Variants in CELF6 observed in about 807,000 individuals in gnomAD.
CELF6 encodes the protein Bruno -like 6, RNA binding protein.
Under a neutral mutation model 53.1 loss-of-function variants are expected in CELF6, and 32 were observed. The observed-to-expected ratio is 0.60, with a 90% CI of 0.46 to 0.81. The LOEUF (loss-of-function observed/expected upper bound fraction) is 0.81. Among genes scored for constraint, CELF6 ranks in the 30% least tolerant of loss-of-function variants. The pLI is 0.00. For synonymous variants in CELF6, 291 were observed against 288.8 expected, an observed-to-expected ratio of 1.01 and a Z score of -0.08; for missense variants, 539 against 669.5, an observed-to-expected ratio of 0.81 and a Z score of 2.15.
At chr15:72,290,302 A>AC in intron 3 of CELF6, 47 bp from the exon 4 acceptor site, 1 of 1,589,838 alleles carries the variant, frequency 6.3e-7, no homozygotes, top group Non-Finnish European at 8.5e-7. Context: ...GTCTTCCTAG[A>AC]CCCCCGAGAG....
chr15:72,316,883 C>A (rs1156425362), intron 1 of CELF6, among the ~76,000 whole-genome samples: 1 of 152,110 alleles, frequency 6.6e-6, no homozygotes, highest in East Asian at 1.9e-4. Context: ...GGGGATTAGA[C>A]AAATCATGAG....
In CELF6 at chr15:72,285,057, T is replaced by A. The variant is rs758655624; in HGVS notation, c.*1314A>T. On this transcript the variant is annotated 3_prime_UTR_variant, in exon 13 of 13. Transcript: ENST00000287202. ...AGGAAGCACCACCATTGATCAGCTT[T>A]ATATGGCACCCACTGTATACAACAG... The A allele has an allele frequency of 6.5e-6, 1 of 152,770 alleles. No homozygotes were observed. The highest frequency in any genetic ancestry group is 1.5e-5 in the Non-Finnish European group (1 of 68,148). 9.5% of individuals were successfully genotyped at this position (152,770 alleles called of 1,614,324 possible).
chr15:72,301,569 C>T (rs2088155618), intron 3 of CELF6, among the ~76,000 whole-genome samples: 1 of 152,106 alleles, frequency 6.6e-6, no homozygotes, highest in African/African-American at 2.4e-5. Context: ...AAGACACAGG[C>T]TTACTGGCGT....
At position 72,314,589 on chromosome 15, in the gene CELF6, G is replaced by GTTT. The variant is rs984879836; in HGVS notation, c.345+1253_345+1255dup. ...AGGTCTGTGAGACTCAAAACCCAGT[G>GTTT]TTTTTTTTTTTTTTTTTTTTTTTGA... On this transcript the variant is annotated intron_variant, in intron 2 of 12. Coordinates refer to ENST00000287202, the MANE Select transcript of CELF6 (RefSeq NM_052840.5). Among the ~76,000 whole-genome samples, 280 of 97,790 alleles carry GTTT rather than the reference G, an allele frequency of 2.9e-3. 1 individual carries two copies. Among genetic ancestry groups the GTTT allele is most frequent in the Middle Eastern group, 6.1e-3 (1 of 164 alleles). The allele number at this position is 97,790 out of a possible 152,430, so 64.2% of individuals were successfully genotyped here. A position where few individuals can be genotyped will look rare whatever the true frequency, so the allele number is the denominator to read the frequency against.
intron 3 of CELF6, among the ~76,000 whole-genome samples, chr15:72,293,032 AT>A (rs1350329102): frequency 2.0e-5 from 3 of 151,930 alleles, no homozygotes; most frequent in Admixed American, 6.6e-5. Context: ...AACTAAAAAA[AT>A]TTTTTTTTCC....
At chr15:72,303,096 C>G (rs12102206) in intron 3 of CELF6, among the ~76,000 whole-genome samples, 3,187 of 152,318 alleles carry the variant, frequency 0.021, 66 homozygotes, top group African/African-American at 0.049. Flanking sequence ...GTGGTTGAAC[C>G]TGTCTGCTTC....
chr15:72,315,060 T>A (rs1270832948), intron 2 of CELF6, among the ~76,000 whole-genome samples: 5 of 152,204 alleles, frequency 3.3e-5, no homozygotes, highest in Non-Finnish European at 1.5e-5. Flanking sequence ...CAAACGACTC[T>A]CTTAAATTTG....
Position 72,289,971 on chromosome 15 carries a change from T to G in CELF6, c.571A>C (p.Ile191Leu). ...FGSQGEAQAA[I>L]RGLHGSRTMA... ...GTCCGGCTGCCGTGCAGACCCCGGA[T>G]GGCCGCCTGAGCTTCCCCTTGACTC... Residue 191 changes from isoleucine to leucine, a missense_variant, in exon 5 of 13, where the codon ATC becomes CTC. By Grantham distance (5) the Ile-to-Leu change is conservative. This residue lies in a region of CELF6 where 358 missense variants were observed against 412.8 expected (regional missense o/e 0.87). Coordinates refer to ENST00000287202, the MANE Select transcript of CELF6 (RefSeq NM_052840.5). This position sits in a 1 kb window ranked among gnomAD's most constrained non-coding sequence, Gnocchi z 7.6. 1 of 1,584,966 alleles carries G rather than the reference T, an allele frequency of 6.3e-7. No individual in the cohort carries two copies. Among genetic ancestry groups the G allele is most frequent in the Non-Finnish European group, 8.6e-7 (1 of 1,166,156 alleles).
At chr15:72,296,122 A>C in intron 3 of CELF6, among the ~76,000 whole-genome samples, 1 of 152,244 alleles carries the variant, frequency 6.6e-6, no homozygotes, top group South Asian at 2.1e-4. Flanking sequence ...AAGGTCATTC[A>C]ATAAGGAAAG....
chr15:72,304,008 T>C (rs1188606924), intron 3 of CELF6, among the ~76,000 whole-genome samples: 1 of 152,146 alleles, frequency 6.6e-6, no homozygotes, highest in East Asian at 1.9e-4. Context: ...GTAGCTGGGA[T>C]TACAGGCATC....
At chr15:72,297,911 G>T (rs567466493) in intron 3 of CELF6, among the ~76,000 whole-genome samples, 2 of 152,306 alleles carry the variant, frequency 1.3e-5, no homozygotes, top group Admixed American at 6.5e-5. Context: ...CCTAAGGAAA[G>T]CACCTCTCAT....
rs1392872404 is a variant in CELF6 at position 72,285,949 on chromosome 15, CTT to C, written c.*420_*421del. 6.6e-6 allele frequency: 1 copy of C among 152,400 alleles called. No homozygotes were observed. The highest frequency in any genetic ancestry group is 1.9e-4 in the East Asian group (1 of 5,194). 9.4% of individuals were successfully genotyped at this position (152,400 alleles called of 1,614,324 possible). ...ACTGTCTTTTTTTGTAGTTGTTTGTCTTGTTTTTTGTTTGTTTGTTTCTTTGT... is the reference window on the plus strand; with the variant it reads ...ACTGTCTTTTTTTGTAGTTGTTTGTCGTTTTTTGTTTGTTTGTTTCTTTGT... On this transcript the variant is annotated 3_prime_UTR_variant, in exon 13 of 13. Coordinates refer to ENST00000287202, the MANE Select transcript of CELF6 (RefSeq NM_052840.5).
Position 72,320,110 on chromosome 15 carries a change from C to A in CELF6, c.-236G>T. ...CGAGGTGGCGGCTGAACGCTGGGGT[C>A]TGGCTTGAGGTCCCCGTGCGGCTCT... is the stretch of plus-strand genomic sequence containing the variant. On this transcript the variant is annotated 5_prime_UTR_variant, in exon 1 of 13. Coordinates refer to ENST00000287202, the MANE Select transcript of CELF6 (RefSeq NM_052840.5). 1.5e-6 allele frequency: 1 copy of A among 651,018 alleles called. No homozygotes were observed. Among genetic ancestry groups the A allele is most frequent in the Non-Finnish European group, 2.8e-6 (1 of 353,912 alleles). The allele number at this position is 651,018 out of a possible 1,614,324, so 40.3% of individuals were successfully genotyped here.
At chr15:72,299,471 T>C (rs575167876) in intron 3 of CELF6, among the ~76,000 whole-genome samples, 150 of 151,422 alleles carry the variant, frequency 9.9e-4, no homozygotes, top group Non-Finnish European at 2.0e-3. Flanking sequence ...GTGATTCTCC[T>C]GCCTTAGCCT....
intron 2 of CELF6, among the ~76,000 whole-genome samples, chr15:72,308,608 G>T (rs186318643): frequency 5.6e-4 from 86 of 152,296 alleles, no homozygotes; most frequent in African/African-American, 2.0e-3. Context: ...TGTGAAAACC[G>T]CATCAAGGAA....
intron 3 of CELF6, among the ~76,000 whole-genome samples, chr15:72,299,074 A>T (rs867471061): frequency 4.6e-5 from 7 of 152,004 alleles, no homozygotes; most frequent in Non-Finnish European, 2.9e-5. Context: ...AGGGTGCGGT[A>T]GCAGGCGCCT....
At chr15:72,299,940 G>A (rs553635488) in intron 3 of CELF6, among the ~76,000 whole-genome samples, 12 of 152,294 alleles carry the variant, frequency 7.9e-5, no homozygotes, top group African/African-American at 2.2e-4. Flanking sequence ...CCAAGGCTGC[G>A]GGAGATGGCC....
intron 2 of CELF6, among the ~76,000 whole-genome samples, chr15:72,315,629 G>A (rs1037384134): frequency 5.9e-5 from 9 of 152,154 alleles, no homozygotes; most frequent in Admixed American, 5.2e-4. Context: ...TGGGTGGAAC[G>A]CCTGGCCCAA....
At chr15:72,301,825 C>T (rs1405868370) in intron 3 of CELF6, among the ~76,000 whole-genome samples, 2 of 151,636 alleles carry the variant, frequency 1.3e-5, no homozygotes, top group Non-Finnish European at 2.9e-5. Context: ...CAAGCTCCGC[C>T]TGCTGGGTTC....
Sources: allele counts gnomAD v4.1 joint callset (sites outside exome capture counted in the v4.1 genomes callset), GRCh38; gene constraint gnomAD v4.1.1; regional missense constraint gnomAD v4.1.1; non-coding constraint Gnocchi (gnomAD v3.1); transcripts MANE v1.5; gene names NCBI Gene and HGNC (gene_info 2026-07-23, HGNC 2026-07-21).